The following TMEM117 variants were observed in gnomAD, a reference collection of about 807,000 sequenced individuals.
The protein encoded by TMEM117 is transmembrane protein 117.
TMEM117 carries 27 observed loss-of-function variants against 52.4 expected under a neutral mutation model. The observed-to-expected ratio is 0.51, with a 90% CI of 0.38 to 0.71. The LOEUF is 0.71. Among genes scored for constraint, TMEM117 ranks in the 30% least tolerant of loss-of-function variants. The probability of loss-of-function intolerance (pLI) is 0.00; values close to 1 mark genes in which losing one functional copy is unlikely to be tolerated. For synonymous variants in TMEM117, 215 were observed against 206.3 expected (o/e 1.04, Z -0.36); for missense variants, 556 against 630.5 (o/e 0.88, Z 1.26).
intron 6 of TMEM117, among the ~76,000 whole-genome samples, chr12:44,328,122 A>T (rs925437888): frequency 6.6e-5 from 10 of 152,170 alleles, no homozygotes; most frequent in African/African-American, 2.2e-4. Context: ...TCTCCAGTTG[A>T]TTAATGACCC....
chr12:44,029,952 G>A (rs182474501), intron 3 of TMEM117, among the ~76,000 whole-genome samples: 21 of 152,226 alleles, frequency 1.4e-4, no homozygotes, highest in Non-Finnish European at 2.8e-4. Flanking sequence ...TCACAATGGC[G>A]GCCTGCATTT....
At chr12:43,947,547 C>T (rs868117438) in intron 3 of TMEM117, among the ~76,000 whole-genome samples, 1 of 152,076 alleles carries the variant, frequency 6.6e-6, no homozygotes, top group Non-Finnish European at 1.5e-5. Context: ...TCCCATGTAG[C>T]ACAGGGAATG....
chr12:43,936,574 A>G (rs2137593790), intron 2 of TMEM117, among the ~76,000 whole-genome samples: 1 of 152,310 alleles, frequency 6.6e-6, no homozygotes, highest in Non-Finnish European at 1.5e-5. Context: ...ACCATGGCAC[A>G]TCATTATTTA....
intron 1 of TMEM117, among the ~76,000 whole-genome samples, chr12:43,843,757 T>C (rs186332441): frequency 9.2e-5 from 14 of 152,352 alleles, no homozygotes; most frequent in African/African-American, 3.4e-4. Context: ...CAATGCAAAG[T>C]TGCCCAGTCC....
intron 5 of TMEM117, among the ~76,000 whole-genome samples, chr12:44,296,846 A>G (rs1287860838): frequency 2.0e-5 from 3 of 152,180 alleles, no homozygotes; most frequent in Non-Finnish European, 4.4e-5. Flanking sequence ...TTGGTGGATG[A>G]TTCTGGTGGC....
At chr12:44,240,667 G>A (rs1452206526) in intron 5 of TMEM117, among the ~76,000 whole-genome samples, 1 of 151,954 alleles carries the variant, frequency 6.6e-6, no homozygotes, top group African/African-American at 2.4e-5. Flanking sequence ...AAATATGGGA[G>A]TATATCATAG....
intron 3 of TMEM117, among the ~76,000 whole-genome samples, chr12:43,960,811 G>A (rs759154725): frequency 6.6e-6 from 1 of 152,042 alleles, no homozygotes; most frequent in African/African-American, 2.4e-5. Context: ...CTAGAAATGA[G>A]TTGTTATATC....
chr12:43,960,472 A>G (rs1441019982), intron 3 of TMEM117, among the ~76,000 whole-genome samples: 4 of 152,250 alleles, frequency 2.6e-5, no homozygotes, highest in African/African-American at 9.6e-5. Context: ...AAAATAGCAC[A>G]GCATATCCAA....
chr12:43,891,521 C>T (rs1310702504), intron 2 of TMEM117, among the ~76,000 whole-genome samples: 1 of 151,668 alleles, frequency 6.6e-6, no homozygotes, highest in Admixed American at 6.6e-5. Context: ...TACAGGCACC[C>T]ACCACCATGC....
At chr12:44,131,988 T>C (rs572422183) in intron 3 of TMEM117, among the ~76,000 whole-genome samples, 2 of 152,262 alleles carry the variant, frequency 1.3e-5, no homozygotes, top group South Asian at 4.1e-4. Flanking sequence ...TGTTAGAGAT[T>C]TTCTTCAAAT....
chr12:43,987,666 G>C (rs1401787042), intron 3 of TMEM117, among the ~76,000 whole-genome samples: 1 of 151,652 alleles, frequency 6.6e-6, no homozygotes, highest in East Asian at 1.9e-4. Flanking sequence ...GTACTAATGA[G>C]TTAGAACTTT....
chr12:43,946,378 G>GTTTTTTTTTTTTTTTTTTTTT (rs1244597058), intron 3 of TMEM117, among the ~76,000 whole-genome samples: 2 of 113,494 alleles, frequency 1.8e-5, no homozygotes, highest in African/African-American at 3.9e-5. Context: ...ATATAATTCT[G>GTTTTTTTTTTTTTTTTTTTTT]TTTTTTTTTT....
intron 4 of TMEM117, among the ~76,000 whole-genome samples, chr12:44,163,584 T>G (rs1029398520): frequency 6.6e-6 from 1 of 152,222 alleles, no homozygotes; most frequent in African/African-American, 2.4e-5. Context: ...AATAAAGATT[T>G]CTTTTAATCA....
intron 3 of TMEM117, among the ~76,000 whole-genome samples, chr12:44,054,414 C>T (rs1197624691): frequency 6.6e-6 from 1 of 152,112 alleles, no homozygotes; most frequent in Non-Finnish European, 1.5e-5. Flanking sequence ...TGCAAATCCC[C>T]CTGAATATAT....
At chr12:43,802,385 C>T in the TMEM117 span, 3 of 1,606,412 alleles carry the variant, frequency 1.9e-6, no homozygotes, top group Middle Eastern at 1.7e-4. Flanking sequence ...GTTTGTCCTC[C>T]AACAGGGGTA....
chr12:44,233,807 T>A (rs1398481912), intron 5 of TMEM117, among the ~76,000 whole-genome samples: 3 of 151,500 alleles, frequency 2.0e-5, no homozygotes, highest in Non-Finnish European at 4.4e-5. Context: ...AATAAAATTC[T>A]ATTAGGTGAA....
chr12:44,276,839 C>A (rs1950517415), intron 5 of TMEM117, among the ~76,000 whole-genome samples: 1 of 151,464 alleles, frequency 6.6e-6, no homozygotes, highest in Admixed American at 6.6e-5. Flanking sequence ...TGTCTATTAG[C>A]TAGACCTGTT....
At chr12:44,144,896 G>A (rs1948620257) in intron 4 of TMEM117, among the ~76,000 whole-genome samples, 1 of 152,204 alleles carries the variant, frequency 6.6e-6, no homozygotes, top group South Asian at 2.1e-4. Context: ...GGTGGCTCAC[G>A]CCTGTAATCC....
At chr12:44,054,543 A>C (rs952383828) in intron 3 of TMEM117, among the ~76,000 whole-genome samples, 2 of 152,212 alleles carry the variant, frequency 1.3e-5, no homozygotes, top group African/African-American at 4.8e-5. Flanking sequence ...CAGATGTCTC[A>C]TAAATAAAAT....
Sources: allele counts gnomAD v4.1 joint callset (sites outside exome capture counted in the v4.1 genomes callset), GRCh38; gene constraint gnomAD v4.1.1; transcripts MANE v1.5; gene names NCBI Gene and HGNC (gene_info 2026-07-23, HGNC 2026-07-21).